Variants in FGF12 observed in about 807,000 individuals in gnomAD.
FGF12 encodes the protein fibroblast growth factor 12B.
A neutral mutation model predicts 23.6 loss-of-function variants in FGF12; 14 were observed. The observed-to-expected ratio is 0.59, with a 90% CI of 0.39 to 0.93. FGF12 has a LOEUF of 0.93. FGF12 is among the 40% of genes least tolerant of loss of function. FGF12 has a pLI of 0.00. For synonymous variants in FGF12, 62 were observed against 77.3 expected, an observed-to-expected ratio of 0.80 and a Z score of 1.04; for missense variants, 175 against 217.8, an observed-to-expected ratio of 0.80 and a Z score of 1.24.
chr3:192,502,029 T>C (rs1480238239), intron 2 of FGF12, among the ~76,000 whole-genome samples: 1 of 152,236 alleles, frequency 6.6e-6, no homozygotes, highest in Non-Finnish European at 1.5e-5. Flanking sequence ...CCTTTAAAAT[T>C]CCTATAGCTA....
Position 192,679,857 on chromosome 3 carries a change from G to A in FGF12, c.13+47324C>T, listed in dbSNP as rs145020026. Among the ~76,000 whole-genome samples the A allele has an allele frequency of 7.3e-4, 111 of 152,288 alleles. No homozygotes were observed. The East Asian group carries it at 0.02, about 27-fold the overall frequency. ...CCATGGGGCTTCAGACTTGGGAGCCGAGGACTTTATGTTTCAGTGGCAGGG... is the reference window on the plus strand; with the variant it reads ...CCATGGGGCTTCAGACTTGGGAGCCAAGGACTTTATGTTTCAGTGGCAGGG... On this transcript the variant is annotated intron_variant, in intron 2 of 5. Transcript: ENST00000445105.
At chr3:192,495,356 AAGT>A (rs1174398788) in intron 2 of FGF12, among the ~76,000 whole-genome samples, 5 of 152,170 alleles carry the variant, frequency 3.3e-5, no homozygotes, top group Admixed American at 2.0e-4. Context: ...TTTGCATCAC[AAGT>A]AGTAGAATAT....
chr3:192,400,455 G>A (rs59664821), intron 2 of FGF12, among the ~76,000 whole-genome samples: 2,660 of 144,492 alleles, frequency 0.018, 74 homozygotes, highest in African/African-American at 0.063. Flanking sequence ...TGCAACTTCC[G>A]CCTCCCGGGT....
intron 2 of FGF12, among the ~76,000 whole-genome samples, chr3:192,415,776 A>ACACACACACACT (rs1048145236): frequency 4.2e-5 from 6 of 143,544 alleles, no homozygotes; most frequent in South Asian, 2.3e-4. Context: ...ACACACACAC[A>ACACACACACACT]CTCATGTTCA....
chr3:192,633,871 T>G (rs1245671779), intron 2 of FGF12, among the ~76,000 whole-genome samples: 2 of 152,166 alleles, frequency 1.3e-5, no homozygotes, highest in African/African-American at 4.8e-5. Context: ...TTCATGCGCC[T>G]TTATGTTAAA....
intron 2 of FGF12, among the ~76,000 whole-genome samples, chr3:192,633,621 G>A (rs958500615): frequency 6.6e-6 from 1 of 152,256 alleles, no homozygotes; most frequent in East Asian, 1.9e-4. Context: ...AGTCAGAGAA[G>A]TTAGGATGTG....
intron 4 of FGF12, among the ~76,000 whole-genome samples, chr3:192,203,276 G>GT (rs1717471501): frequency 6.6e-6 from 1 of 151,990 alleles, no homozygotes; most frequent in East Asian, 1.9e-4. Flanking sequence ...CTTATAACCT[G>GT]TTTTTTACCT....
intron 4 of FGF12, among the ~76,000 whole-genome samples, chr3:192,290,964 C>G (rs999980234): frequency 6.6e-6 from 1 of 152,066 alleles, no homozygotes; most frequent in African/African-American, 2.4e-5. Context: ...AACATCTATA[C>G]ATACAAGTGT....
intron 5 of FGF12, among the ~76,000 whole-genome samples, chr3:192,161,318 T>C (rs963801215): frequency 2.0e-5 from 3 of 152,230 alleles, no homozygotes. Flanking sequence ...TGATGCACAC[T>C]CAACTTGTAG....
chr3:192,647,515 A>G (rs1049330094), intron 2 of FGF12, among the ~76,000 whole-genome samples: 20 of 152,084 alleles, frequency 1.3e-4, no homozygotes, highest in African/African-American at 4.1e-4. Flanking sequence ...AATCCTTATA[A>G]TGGCAAGTAT....
intron 2 of FGF12, among the ~76,000 whole-genome samples, chr3:192,605,480 G>A (rs1042896897): frequency 6.6e-6 from 1 of 151,734 alleles, no homozygotes; most frequent in Non-Finnish European, 1.5e-5. Flanking sequence ...TCAAAAGCAA[G>A]TGGAATTGAC....
chr3:192,720,961 A>C (rs894982800), intron 2 of FGF12, among the ~76,000 whole-genome samples: 1 of 152,198 alleles, frequency 6.6e-6, no homozygotes, highest in African/African-American at 2.4e-5. Flanking sequence ...AACCCATCCA[A>C]GGTGTAATAC....
intron 5 of FGF12, among the ~76,000 whole-genome samples, chr3:192,167,769 A>ATATATATATCTATATAT (rs1553845519): frequency 2.6e-4 from 10 of 38,842 alleles, no homozygotes; most frequent in Admixed American, 4.2e-4. Flanking sequence ...ATATATATAT[A>ATATATATATCTATATAT]AAATTTTTTT....
chr3:192,576,732 C>T (rs1712906346), intron 2 of FGF12, among the ~76,000 whole-genome samples: 1 of 152,076 alleles, frequency 6.6e-6, no homozygotes, highest in Non-Finnish European at 1.5e-5. Flanking sequence ...TGCTAGGTGG[C>T]AGGGGAGGGC....
chr3:192,154,625 C>T (rs1194401652), intron 5 of FGF12, among the ~76,000 whole-genome samples: 2 of 150,508 alleles, frequency 1.3e-5, no homozygotes, highest in African/African-American at 4.9e-5. Context: ...TTAGGCTGCT[C>T]GGGGGTCAGG....
At chr3:192,457,981 C>T (rs909866319) in intron 2 of FGF12, among the ~76,000 whole-genome samples, 21 of 152,172 alleles carry the variant, frequency 1.4e-4, no homozygotes, top group African/African-American at 4.8e-4. Flanking sequence ...TAAAAGTGGC[C>T]AACATAAAGC....
In FGF12 at chr3:192,139,405, C is replaced by T. The variant is rs1713240955; in HGVS notation, c.*4604G>A. On this transcript the variant is annotated 3_prime_UTR_variant, in exon 6 of 6. Coordinates refer to ENST00000445105, the MANE Select transcript of FGF12 (RefSeq NM_004113.6). ...AAAACAATGATTTGAATAATCTGTG[C>T]TTTAATGGAAAAATGAAACATTAAT... 6.6e-6 allele frequency: 1 copy of T among 152,066 alleles called. No homozygotes were observed. Among genetic ancestry groups the T allele is most frequent in the Admixed American group, 6.5e-5 (1 of 15,268 alleles). 9.4% of individuals were successfully genotyped at this position (152,066 alleles called of 1,614,324 possible). A position where few individuals can be genotyped will look rare whatever the true frequency, so the allele number is the denominator to read the frequency against.
At chr3:192,288,710 G>A (rs4687314) in intron 4 of FGF12, among the ~76,000 whole-genome samples, 71,176 of 151,812 alleles carry the variant, frequency 0.47, 17,862 homozygotes, top group East Asian at 0.94. Flanking sequence ...TGGCTTTTCA[G>A]TATCAAAGTA....
chr3:192,589,339 A>C (rs930036636), intron 2 of FGF12, among the ~76,000 whole-genome samples: 3 of 151,650 alleles, frequency 2.0e-5, no homozygotes, highest in Non-Finnish European at 2.9e-5. Flanking sequence ...ATCTCAAAAA[A>C]AAAAAAAAGT....
Sources: allele counts gnomAD v4.1 joint callset (sites outside exome capture counted in the v4.1 genomes callset), GRCh38; gene constraint gnomAD v4.1.1; transcripts MANE v1.5; gene names NCBI Gene and HGNC (gene_info 2026-07-23, HGNC 2026-07-21).